Variants in FHIP1B observed in about 807,000 individuals in gnomAD.
The protein encoded by FHIP1B is FHF complex subunit HOOK interacting protein 1B.
Under a neutral mutation model 82.2 loss-of-function variants are expected in FHIP1B, and 28 were observed. The observed-to-expected ratio is 0.34, with a 90% CI of 0.25 to 0.47. The LOEUF is 0.47. Among genes scored for constraint, FHIP1B ranks in the 20% least tolerant of loss-of-function variants. The pLI is 1.00. For missense variants in FHIP1B, 1,110 were observed against 1,262.6 expected (o/e 0.88, Z 1.83); for synonymous variants, 585 against 516.1 (o/e 1.13, Z -1.81).
At position 6,227,517 on chromosome 11, in the gene FHIP1B, T is replaced by C. The variant is rs570266734; in HGVS notation, c.-191-2810A>G. On this transcript the variant is annotated intron_variant, in intron 1 of 11. Transcript: ENST00000449352. ...GACTAGAAACACATAAGAAGGGGAATTGTGTTTTAGAAAAGAGGTTGAGTA... is the reference window on the plus strand; with the variant it reads ...GACTAGAAACACATAAGAAGGGGAACTGTGTTTTAGAAAAGAGGTTGAGTA... 3.9e-5 allele frequency among the ~76,000 whole-genome samples: 6 copies of C among 152,222 alleles called. No homozygotes were observed. The East Asian group carries it at 1.2e-3, about 29-fold the overall frequency.
At chr11:6,227,174 T>G (rs1445190911) in intron 1 of FHIP1B, among the ~76,000 whole-genome samples, 1 of 152,224 alleles carries the variant, frequency 6.6e-6, no homozygotes, top group Non-Finnish European at 1.5e-5. Flanking sequence ...TTAATAAGTA[T>G]TACAGCAAAC....
rs778476103 is a variant in FHIP1B at position 6,222,511 on chromosome 11, C to G, written c.1122G>C (p.Leu374=). Residue 374 remains leucine, a synonymous_variant, in exon 6 of 12, where the codon CTG becomes CTC. Coordinates refer to ENST00000449352, the MANE Select transcript of FHIP1B (RefSeq NM_001098794.2). The part of the protein sequence containing the change: ...PALLRTFLRF[L]LLHRHDTHTI... ...TGTGGGTGTCATGCCGGTGCAACAA[C>G]AGGAATCGCAGGAAGGTACGGAGCA... The G allele has an allele frequency of 6.2e-7, 1 of 1,613,984 alleles. No individual in the cohort carries two copies. The highest frequency in any genetic ancestry group is 8.5e-7 in the Non-Finnish European group (1 of 1,180,004).
At chr11:6,214,618 A>G (rs1179011789) in intron 10 of FHIP1B, 45 bp from the exon 11 acceptor site, 1 of 1,577,210 alleles carries the variant, frequency 6.3e-7, no homozygotes, top group South Asian at 1.2e-5. Flanking sequence ...CTCTAGACTG[A>G]TACAGTCCTT....
chr11:6,218,316 C>T (rs1847307456), intron 8 of FHIP1B, among the ~76,000 whole-genome samples, 166 bp from the exon 9 acceptor site: 1 of 152,148 alleles, frequency 6.6e-6, no homozygotes, highest in Non-Finnish European at 1.5e-5. Context: ...TCATCCACCA[C>T]CCCCACTCAC....
chr11:6,214,510 G>A lies in FHIP1B; in HGVS notation c.2458C>T (p.Leu820=), dbSNP rs147815418. Residue 820 remains leucine (L), a synonymous_variant, in exon 11 of 12, where the codon CTG becomes TTG. Coordinates refer to ENST00000449352, the MANE Select transcript of FHIP1B (RefSeq NM_001098794.2). ...FAASQEDFPA[L]LSKAKKYLIA... ...AGGTACTTCTTGGCTTTGGACAGCA[G>A]TGCTGGGAAGTCCTCCTGGGAAGCC... 30 of 1,614,072 alleles carry A rather than the reference G, an allele frequency of 1.9e-5. No individual in the cohort carries two copies. The African/African-American group carries it at 4.0e-4, about 22-fold the overall frequency.
At position 6,223,937 on chromosome 11, in the gene FHIP1B, T is replaced by C; in HGVS notation, c.450A>G (p.Pro150=). ...EARQPLLRHG[P]VREALLTLLD... is the part of the protein sequence containing the mutation. ...GCAGGGTGAGCAGAGCCTCACGAAC[T>C]GGACCATGCCGCAACAGTGGCTGGC... Residue 150 remains proline (P), a synonymous_variant, in exon 3 of 12, where the codon CCA becomes CCG. Transcript: ENST00000449352. The surrounding 1 kb of genome is among the most constrained non-coding windows in gnomAD (Gnocchi z 4.8). 6.2e-7 allele frequency: 1 copy of C among 1,614,226 alleles called. No individual in the cohort carries two copies.
rs983211685 is a variant in FHIP1B at position 6,224,667 on chromosome 11, T to C, written c.-151A>G. 2.7e-6 allele frequency: 2 copies of C among 753,572 alleles called. No homozygotes were observed. The highest frequency in any genetic ancestry group is 3.5e-5 in the African/African-American group (2 of 56,592). 46.7% of individuals were successfully genotyped at this position (753,572 alleles called of 1,614,324 possible). On this transcript the variant is annotated 5_prime_UTR_variant, in exon 2 of 12. Coordinates refer to ENST00000449352, the MANE Select transcript of FHIP1B (RefSeq NM_001098794.2). ...AGCCAGAGGTTATACCAGGCTGGAA[T>C]GGCAAGCCCAGAGGTCACTGGCCAG... is the stretch of plus-strand genomic sequence containing the variant.
Position 6,211,799 on chromosome 11 carries a change from G to C in FHIP1B, c.2626C>G (p.Gln876Glu), listed in dbSNP as rs1048903767. ...RHAHSPTRAR[Q>E]AAQLVLQPGR... ...GGCTGAAGGACCAATTGTGCCGCCT[G>C]CCGGGCCCTGGTTGGACTGTGTGCA... Residue 876 changes from glutamine to glutamate, a missense_variant, in exon 12 of 12, where the codon CAG becomes GAG. Gln to Glu is a conservative substitution (Grantham distance 29, BLOSUM62 2). Around this residue, in one of 6 missense-constraint regions of FHIP1B, gnomAD observed 147 missense variants for 154.0 expected, o/e 0.95. Coordinates refer to ENST00000449352, the MANE Select transcript of FHIP1B (RefSeq NM_001098794.2). The C allele has an allele frequency of 3.7e-6, 6 of 1,612,990 alleles. No homozygotes were observed. Among genetic ancestry groups the C allele is most frequent in the South Asian group, 1.1e-5 (1 of 90,940 alleles).
intron 1 of FHIP1B, among the ~76,000 whole-genome samples, chr11:6,226,358 CTAAG>C (rs1239520514): frequency 6.6e-6 from 1 of 152,156 alleles, no homozygotes; most frequent in Non-Finnish European, 1.5e-5. Flanking sequence ...GGGCACTGTT[CTAAG>C]TAAGCACTGG....
chr11:6,219,666 T>C (rs1324916701), intron 6 of FHIP1B, among the ~76,000 whole-genome samples: 1 of 152,178 alleles, frequency 6.6e-6, no homozygotes, highest in Non-Finnish European at 1.5e-5. Flanking sequence ...ATCTTTTATT[T>C]TAGAAAAGGA....
At position 6,224,105 on chromosome 11, in the gene FHIP1B, C is replaced by T. The variant is rs773107021; in HGVS notation, c.282G>A (p.Gly94=). 9 of 1,614,028 alleles carry T rather than the reference C, an allele frequency of 5.6e-6. No homozygotes were observed. The highest frequency in any genetic ancestry group is 7.6e-6 in the Non-Finnish European group (9 of 1,179,972). ...RAVPSAPTGP[G]PLLEFALHED... ...CGTGCAGAGCAAACTCCAGCAGGGG[C>T]CCAGGGCCTGTGGGGGCCGAGGGAA... Residue 94 remains glycine, a synonymous_variant, in exon 3 of 12, where the codon GGG becomes GGA. Coordinates refer to ENST00000449352, the MANE Select transcript of FHIP1B (RefSeq NM_001098794.2).
chr11:6,217,783 C>T lies in FHIP1B; in HGVS notation c.1803G>A (p.Glu601=), dbSNP rs1185058702. Residue 601 remains glutamate, a synonymous_variant, in exon 9 of 12, where the codon GAG becomes GAA. Transcript: ENST00000449352. Reference sequence around the variant, plus strand: ...CCCCTTCCCCCACGTTGTTCCTGTCCTCCTCAGGCAGTAGGCTGCGTTTCT... The same window carrying T: ...CCCCTTCCCCCACGTTGTTCCTGTCTTCCTCAGGCAGTAGGCTGCGTTTCT... The part of the protein sequence containing the change: ...RTKKRSLLPE[E]DRNNVGEGEE... 6.2e-7 allele frequency: 1 copy of T among 1,610,430 alleles called. No homozygotes were observed. Among genetic ancestry groups the T allele is most frequent in the South Asian group, 1.1e-5 (1 of 90,710 alleles).
chr11:6,232,070 C>T (rs781470408), intron 1 of FHIP1B, among the ~76,000 whole-genome samples: 2 of 152,132 alleles, frequency 1.3e-5, no homozygotes, highest in Non-Finnish European at 2.9e-5. Flanking sequence ...TAACACAGTA[C>T]CCTAAACATG....
intron 1 of FHIP1B, among the ~76,000 whole-genome samples, chr11:6,230,516 C>G (rs748213344): frequency 2.6e-5 from 4 of 152,212 alleles, no homozygotes; most frequent in Non-Finnish European, 5.9e-5. Flanking sequence ...CACATTTCTT[C>G]CCTGCTTTTC....
chr11:6,214,262 C>T, intron 11 of FHIP1B, 149 bp downstream of exon 11: 1 of 965,702 alleles, frequency 1.0e-6, no homozygotes, highest in Non-Finnish European at 1.5e-6. Context: ...TGTCCCCTGA[C>T]CAGAAGCCTG....
chr11:6,228,290 C>A (rs1020725271), intron 1 of FHIP1B, among the ~76,000 whole-genome samples: 1 of 151,860 alleles, frequency 6.6e-6, no homozygotes, highest in African/African-American at 2.4e-5. Context: ...GCAGAGGTTG[C>A]GGTGAGCCAA....
In FHIP1B at chr11:6,224,185, C is replaced by A; in HGVS notation, c.202G>T (p.Ala68Ser). ...AAPGGADDLS[A>S]VRNHTYQMLT... is the part of the protein sequence containing the mutation. ...ATCTGGTAAGTGTGGTTGCGCACAGCACTGAGATCGTCTGCACCCCCAGGA... is the reference window on the plus strand; with the variant it reads ...ATCTGGTAAGTGTGGTTGCGCACAGAACTGAGATCGTCTGCACCCCCAGGA... The change falls in exon 3 of 12, where the codon GCT becomes TCT. Residue 68 changes from alanine to serine, a missense_variant. This residue lies in a region of FHIP1B where 467 missense variants were observed against 602.9 expected (regional missense o/e 0.77). Transcript: ENST00000449352. 6.2e-7 allele frequency: 1 copy of A among 1,613,284 alleles called. No individual in the cohort carries two copies. Among genetic ancestry groups the A allele is most frequent in the Non-Finnish European group, 8.5e-7 (1 of 1,179,564 alleles).
At position 6,219,004 on chromosome 11, in the gene FHIP1B, C is replaced by T; in HGVS notation, c.1238G>A (p.Ser413Asn). The T allele has an allele frequency of 6.2e-7, 1 of 1,613,910 alleles. No homozygotes were observed. The highest frequency in any genetic ancestry group is 8.5e-7 in the Non-Finnish European group (1 of 1,179,930). The change falls in exon 7 of 12, where the codon AGC becomes AAC. Residue 413 changes from serine to asparagine, a missense_variant. Around this residue, in one of 6 missense-constraint regions of FHIP1B, gnomAD observed 467 missense variants for 602.9 expected, o/e 0.77. Transcript: ENST00000449352. ...CAGCTGCAGCAGGACATCCTCACAGCTGAGGTTCAGGAGGGTCCTGAAGAG... is the reference window on the plus strand; with the variant it reads ...CAGCTGCAGCAGGACATCCTCACAGTTGAGGTTCAGGAGGGTCCTGAAGAG... The part of the protein sequence containing the change: ...LSLFRTLLNL[S>N]CEDVLLQLVL...
At chr11:6,213,685 C>G (rs2030590931) in intron 11 of FHIP1B, among the ~76,000 whole-genome samples, 1 of 152,134 alleles carries the variant, frequency 6.6e-6, no homozygotes, top group South Asian at 2.1e-4. Context: ...TTCCTCCTTC[C>G]TTATACCACT....
Sources: gnomAD v4.1 joint callset for allele counts (sites outside exome capture counted in the v4.1 genomes callset) on GRCh38, gnomAD v4.1.1 for gene constraint, gnomAD v4.1.1 regional missense constraint, Gnocchi (gnomAD v3.1) non-coding constraint, MANE v1.5 for transcripts, NCBI Gene and HGNC (gene_info 2026-07-23, HGNC 2026-07-21) for gene names.